BARX2: variants seen among roughly 807,000 people sequenced by gnomAD.
The protein encoded by BARX2 is homeobox protein BarH-like 2.
A neutral mutation model predicts 25.5 loss-of-function variants in BARX2; 11 were observed. The ratio of observed to expected loss-of-function variants is 0.43; its 90% CI spans 0.27 to 0.71. The LOEUF is 0.71. Ranked by LOEUF, BARX2 falls within the 30% of genes least tolerant of loss-of-function variation. The probability of loss-of-function intolerance (pLI) is 0.19; values close to 1 mark genes in which losing one functional copy is unlikely to be tolerated. For synonymous variants in BARX2, 137 were observed against 149.5 expected (o/e 0.92, Z 0.61); for missense variants, 360 against 359.9 (o/e 1.00, Z 0.00).
chr11:129,414,862 T>C (rs1416884126), intron 1 of BARX2, among the ~76,000 whole-genome samples: 2 of 152,194 alleles, frequency 1.3e-5, no homozygotes, highest in African/African-American at 2.4e-5. Flanking sequence ...AGGCCAAAAA[T>C]AATTAAAGAG....
At chr11:129,414,246 TTC>T (rs1360434864) in intron 1 of BARX2, among the ~76,000 whole-genome samples, 1 of 152,142 alleles carries the variant, frequency 6.6e-6, no homozygotes, top group Non-Finnish European at 1.5e-5. Flanking sequence ...ACGGTTTAAG[TTC>T]TGTCTACATT....
intron 1 of BARX2, among the ~76,000 whole-genome samples, chr11:129,411,858 C>T (rs535747042): frequency 3.3e-5 from 5 of 152,204 alleles, no homozygotes; most frequent in African/African-American, 1.2e-4. Context: ...ATAGGAATGG[C>T]GCCTCTCTGG....
At chr11:129,405,885 T>C (rs1454196179) in intron 1 of BARX2, among the ~76,000 whole-genome samples, 1 of 152,214 alleles carries the variant, frequency 6.6e-6, no homozygotes, top group Non-Finnish European at 1.5e-5. Context: ...TACCATCTCC[T>C]TCCCTGACCA....
At chr11:129,435,869 G>C (rs556566137) in intron 1 of BARX2, among the ~76,000 whole-genome samples, 1 of 152,250 alleles carries the variant, frequency 6.6e-6, no homozygotes, top group East Asian at 1.9e-4. Context: ...AATTCCTAAC[G>C]CAGGAGTGGC....
At chr11:129,382,982 T>C (rs1039887468) in intron 1 of BARX2, among the ~76,000 whole-genome samples, 2 of 152,196 alleles carry the variant, frequency 1.3e-5, no homozygotes, top group Non-Finnish European at 2.9e-5. Context: ...TTTAGCTGCC[T>C]GAGAGGATGG....
chr11:129,434,421 T>TA (rs56344103), intron 1 of BARX2, among the ~76,000 whole-genome samples: 10 of 76,378 alleles, frequency 1.3e-4, no homozygotes, highest in African/African-American at 3.0e-4. Context: ...AAAAAGTAAG[T>TA]AAAAAAAAAA....
intron 1 of BARX2, among the ~76,000 whole-genome samples, chr11:129,378,617 G>A (rs570169493): frequency 2.3e-3 from 320 of 136,296 alleles, no homozygotes; most frequent in South Asian, 7.2e-3. Flanking sequence ...CACTGGTGGT[G>A]GAAGCAATGC....
At chr11:129,421,841 G>C (rs931674450) in intron 1 of BARX2, among the ~76,000 whole-genome samples, 1 of 151,578 alleles carries the variant, frequency 6.6e-6, no homozygotes, top group Non-Finnish European at 1.5e-5. Context: ...CAGGTTTTTG[G>C]TTTTACTTTT....
At chr11:129,435,791 G>GA (rs1862181461) in intron 1 of BARX2, among the ~76,000 whole-genome samples, 1 of 152,142 alleles carries the variant, frequency 6.6e-6, no homozygotes, top group Non-Finnish European at 1.5e-5. Flanking sequence ...ATAATCAAAG[G>GA]GAAAAGCTCT....
At chr11:129,425,157 C>G (rs1488367255) in intron 1 of BARX2, among the ~76,000 whole-genome samples, 1 of 152,168 alleles carries the variant, frequency 6.6e-6, no homozygotes, top group Non-Finnish European at 1.5e-5. Context: ...AATCCTGATT[C>G]CAGGTAAAAT....
chr11:129,378,289 A>G (rs1049610242), intron 1 of BARX2, among the ~76,000 whole-genome samples: 3 of 152,258 alleles, frequency 2.0e-5, no homozygotes, highest in Non-Finnish European at 4.4e-5. Flanking sequence ...AAAACTGGCT[A>G]CAATAGTTCA....
intron 3 of BARX2, among the ~76,000 whole-genome samples, chr11:129,447,884 C>T (rs980523681): frequency 6.6e-6 from 1 of 152,152 alleles, no homozygotes; most frequent in Non-Finnish European, 1.5e-5. Flanking sequence ...ATGTAAATTC[C>T]ATCTTGGCAC....
chr11:129,388,093 C>CTCTGTG (rs1555133631), intron 1 of BARX2, among the ~76,000 whole-genome samples: 2 of 146,924 alleles, frequency 1.4e-5, no homozygotes, highest in African/African-American at 5.1e-5. Context: ...AGGCAACATA[C>CTCTGTG]TGTGTGTGTG....
intron 1 of BARX2, among the ~76,000 whole-genome samples, chr11:129,416,855 T>C (rs1272224601): frequency 6.6e-6 from 1 of 151,358 alleles, no homozygotes; most frequent in African/African-American, 2.4e-5. Flanking sequence ...ATCGTAGGAG[T>C]ACATCTATCC....
chr11:129,418,815 A>G (rs1861972308), intron 1 of BARX2, among the ~76,000 whole-genome samples: 1 of 152,202 alleles, frequency 6.6e-6, no homozygotes, highest in Non-Finnish European at 1.5e-5. Context: ...TGGAATGCAC[A>G]TCAACTGCCT....
At chr11:129,425,618 G>A (rs1019684484) in intron 1 of BARX2, among the ~76,000 whole-genome samples, 6 of 152,166 alleles carry the variant, frequency 3.9e-5, no homozygotes, top group African/African-American at 7.2e-5. Context: ...TAGCTTAATC[G>A]ATCTCACTTA....
At chr11:129,412,280 AAAAC>A (rs1009274462) in intron 1 of BARX2, among the ~76,000 whole-genome samples, 2 of 152,020 alleles carry the variant, frequency 1.3e-5, no homozygotes, top group African/African-American at 2.4e-5. Context: ...TCAAAAAAAA[AAAAC>A]AAACAAAAAA....
intron 1 of BARX2, among the ~76,000 whole-genome samples, chr11:129,401,612 CA>C (rs1861776051): frequency 6.6e-6 from 1 of 152,066 alleles, no homozygotes; most frequent in Admixed American, 6.6e-5. Flanking sequence ...TCCATTTGGC[CA>C]AAGTTGTCCA....
In BARX2 at chr11:129,430,375, C is replaced by CAT. The variant is rs749585127; in HGVS notation, c.188-6365_188-6364dup. 8.2e-4 allele frequency among the ~76,000 whole-genome samples: 124 copies of CAT among 151,608 alleles called. 1 individual carries two copies. The highest frequency in any genetic ancestry group is 1.9e-3 in the African/African-American group (79 of 41,350). The stretch of plus-strand genomic sequence containing the variant: ...AATATACATATTACTGGATTTAGGT[C>CAT]ATATATATATATGTACATAGGAACA... On this transcript the variant is annotated intron_variant, in intron 1 of 3. Coordinates refer to ENST00000281437, the MANE Select transcript of BARX2 (RefSeq NM_003658.5).
Sources: allele counts gnomAD v4.1 joint callset (sites outside exome capture counted in the v4.1 genomes callset), GRCh38; gene constraint gnomAD v4.1.1; transcripts MANE v1.5; gene names NCBI Gene and HGNC (gene_info 2026-07-23, HGNC 2026-07-21).